Variants in RGS6 observed in about 807,000 individuals in gnomAD.
RGS6 encodes regulator of G-protein signaling 6.
A neutral mutation model predicts 78.5 loss-of-function variants in RGS6; 30 were observed. The observed-to-expected ratio is 0.38, with a 90% CI of 0.29 to 0.52. The LOEUF is 0.52. Ranked by LOEUF, RGS6 falls within the 20% of genes least tolerant of loss-of-function variation. The pLI, the probability that RGS6 is intolerant of heterozygous loss-of-function variation, is 0.85. For synonymous variants in RGS6, 206 were observed against 206.0 expected, an observed-to-expected ratio of 1.00 and a Z score of 0.00; for missense variants, 495 against 609.7, an observed-to-expected ratio of 0.81 and a Z score of 1.98.
chr14:72,089,141 G>T (rs995344231), intron 2 of RGS6, among the ~76,000 whole-genome samples: 8 of 152,228 alleles, frequency 5.3e-5, no homozygotes, highest in South Asian at 2.1e-4. Flanking sequence ...AATCTTGACT[G>T]GTTCACCCTT....
In RGS6 at chr14:72,150,208, A is replaced by G. The variant is rs544901513; in HGVS notation, c.84+185333A>G. 5.3e-5 allele frequency among the ~76,000 whole-genome samples: 8 copies of G among 152,288 alleles called. No homozygotes were observed. In the South Asian group the frequency reaches 1.7e-3, roughly 32 times the overall value. On this transcript the variant is annotated intron_variant, in intron 2 of 17. Transcript: ENST00000553525. Reference sequence around the variant, plus strand: ...TTGAGAAGGCACAGAGACAAAGCAAAGAAGCCCATGGGGAGATGCAGAAGC... The same window carrying G: ...TTGAGAAGGCACAGAGACAAAGCAAGGAAGCCCATGGGGAGATGCAGAAGC...
the RGS6 span, among the ~76,000 whole-genome samples, chr14:71,896,416 C>G: frequency 1.3e-5 from 2 of 152,136 alleles, no homozygotes; most frequent in Non-Finnish European, 2.9e-5. Context: ...TGTCATGGCG[C>G]TGGTGGGAGT....
At chr14:71,995,486 G>C (rs1017345426) in intron 2 of RGS6, among the ~76,000 whole-genome samples, 1 of 152,200 alleles carries the variant, frequency 6.6e-6, no homozygotes, top group Non-Finnish European at 1.5e-5. Flanking sequence ...GAGTCAAGCT[G>C]TCCGGTTTAT....
At chr14:72,335,430 C>G (rs1056732422) in intron 2 of RGS6, among the ~76,000 whole-genome samples, 1 of 152,154 alleles carries the variant, frequency 6.6e-6, no homozygotes, top group African/African-American at 2.4e-5. Flanking sequence ...GATTAATAGA[C>G]TACCAAGTCC....
intron 2 of RGS6, among the ~76,000 whole-genome samples, chr14:72,067,732 C>T (rs897763350): frequency 2.0e-5 from 3 of 152,100 alleles, no homozygotes; most frequent in East Asian, 1.9e-4. Flanking sequence ...GAAGTTTGCG[C>T]GTACAGCTAG....
intron 2 of RGS6, among the ~76,000 whole-genome samples, chr14:72,141,509 G>A (rs1017502131): frequency 3.9e-5 from 6 of 152,144 alleles, no homozygotes; most frequent in African/African-American, 1.2e-4. Flanking sequence ...TTCTCTCCGG[G>A]TAATATCTGG....
chr14:72,005,872 TG>T (rs1042616129), intron 2 of RGS6, among the ~76,000 whole-genome samples: 47 of 152,182 alleles, frequency 3.1e-4, no homozygotes, highest in African/African-American at 1.1e-3. Flanking sequence ...TATTCATTAT[TG>T]TTTTTTTTTT....
chr14:71,940,224 C>T (rs868256250), intron 1 of RGS6, among the ~76,000 whole-genome samples: 16 of 152,292 alleles, frequency 1.1e-4, no homozygotes, highest in Admixed American at 3.3e-4. Flanking sequence ...TTTCCTTTCC[C>T]GAGTGCAGTT....
chr14:71,920,364 G>A, the RGS6 span, among the ~76,000 whole-genome samples: 1 of 152,170 alleles, frequency 6.6e-6, no homozygotes, highest in African/African-American at 2.4e-5. Flanking sequence ...ATATAAAGGA[G>A]GAGAGTTGTG....
chr14:72,321,413 T>G (rs1318553900), intron 2 of RGS6, among the ~76,000 whole-genome samples: 1 of 151,824 alleles, frequency 6.6e-6, no homozygotes, highest in Non-Finnish European at 1.5e-5. Context: ...AAAAAGATTC[T>G]GAAATCGAGT....
rs58303649 is a variant in RGS6, at chr14:72,323,800, C to CAAAAAAAAAAAAAA, written c.85-28267_85-28254dup. Among the ~76,000 whole-genome samples, 6 of 16,820 alleles carry CAAAAAAAAAAAAAA rather than the reference C, an allele frequency of 3.6e-4. 1 individual carries two copies. Among genetic ancestry groups the CAAAAAAAAAAAAAA allele is most frequent in the Admixed American group, 1.2e-3 (1 of 864 alleles). 11.0% of individuals were successfully genotyped at this position (16,820 alleles called of 152,430 possible). A position where few individuals can be genotyped will look rare whatever the true frequency, so the allele number is the denominator to read the frequency against. On this transcript the variant is annotated intron_variant, in intron 2 of 17. Transcript: ENST00000553525. Reference sequence around the variant, plus strand: ...TGGGTGACAGAGTGAGACTCCATCTCAAAAAAAAAAAAAAAAAAAAAAAAA... The same window carrying CAAAAAAAAAAAAAA: ...TGGGTGACAGAGTGAGACTCCATCTCAAAAAAAAAAAAAAAAAAAAAAAAAAAAAAAAAAAAAAA...
chr14:72,567,264 A>AGGC (rs1381884120), downstream of RGS6, among the ~76,000 whole-genome samples: 1 of 152,150 alleles, frequency 6.6e-6, no homozygotes, highest in Non-Finnish European at 1.5e-5. Context: ...CCACAGAGTT[A>AGGC]AGATCAAGTC....
At chr14:72,247,979 C>T (rs1438738296) in intron 2 of RGS6, among the ~76,000 whole-genome samples, 2 of 152,200 alleles carry the variant, frequency 1.3e-5, no homozygotes, top group Non-Finnish European at 2.9e-5. Flanking sequence ...CAGACTAAGA[C>T]AGTGACTCTA....
At chr14:72,408,666 T>C (rs1469265139) in intron 3 of RGS6, among the ~76,000 whole-genome samples, 1 of 152,198 alleles carries the variant, frequency 6.6e-6, no homozygotes, top group East Asian at 1.9e-4. Flanking sequence ...ATTGAATCAA[T>C]TTGGCATCAT....
intron 13 of RGS6, among the ~76,000 whole-genome samples, chr14:72,499,056 A>G (rs1481604262): frequency 6.6e-6 from 1 of 152,092 alleles, no homozygotes; most frequent in Non-Finnish European, 1.5e-5. Context: ...CCTGCAGCCA[A>G]GTGTTCTACT....
At chr14:72,260,469 C>T (rs2057948436) in intron 2 of RGS6, among the ~76,000 whole-genome samples, 1 of 152,136 alleles carries the variant, frequency 6.6e-6, no homozygotes, top group Admixed American at 6.5e-5. Flanking sequence ...GGCCACCAGC[C>T]ACCATCACAG....
At chr14:72,514,504 C>T (rs911195011) in intron 14 of RGS6, among the ~76,000 whole-genome samples, 5 of 152,242 alleles carry the variant, frequency 3.3e-5, no homozygotes, top group African/African-American at 4.8e-5. Flanking sequence ...CCTGGATGGT[C>T]CTCCAGCCCT....
the RGS6 span, among the ~76,000 whole-genome samples, chr14:71,894,988 T>C: frequency 4.6e-5 from 7 of 152,154 alleles, no homozygotes; most frequent in Non-Finnish European, 1.0e-4. Context: ...GGTCTTGAAC[T>C]CCCGACCTCA....
chr14:71,939,575 T>G (rs564424621), intron 1 of RGS6, among the ~76,000 whole-genome samples: 3 of 152,212 alleles, frequency 2.0e-5, no homozygotes, highest in African/African-American at 7.2e-5. Context: ...CTAGTGGGCC[T>G]TATGGACAGG....
Sources: gnomAD v4.1 joint callset for allele counts (sites outside exome capture counted in the v4.1 genomes callset) on GRCh38, gnomAD v4.1.1 for gene constraint, MANE v1.5 for transcripts, NCBI Gene and HGNC (gene_info 2026-07-23, HGNC 2026-07-21) for gene names.